The following MED16 variants were observed in gnomAD, a reference collection of about 807,000 sequenced individuals.
The protein encoded by MED16 is mediator of RNA polymerase II transcription subunit 16.
In MED16, 81 loss-of-function variants were observed where a neutral mutation model predicts 84.4. The observed-to-expected ratio is 0.96, with a 90% CI of 0.80 to 1.15. MED16 has a LOEUF of 1.15. Among genes scored for constraint, MED16 ranks in the 50% most tolerant of loss-of-function variants. The probability of loss-of-function intolerance (pLI) is 0.00; values close to 1 mark genes in which losing one functional copy is unlikely to be tolerated. For synonymous variants in MED16, 897 were observed against 552.2 expected (o/e 1.62, Z -8.76); for missense variants, 1,585 against 1,245.9 (o/e 1.27, Z -4.10).
At chr19:877,325 T>C in intron 8 of MED16, 145 bp from the exon 9 acceptor site, 2 of 733,022 alleles carry the variant, frequency 2.7e-6, no homozygotes, top group East Asian at 2.7e-5. Flanking sequence ...CGCATGTGTC[T>C]GTAGCGTCTG....
At position 886,088 on chromosome 19, in the gene MED16, C is replaced by A. The variant is rs11492; in HGVS notation, c.561G>T (p.Leu187=). 5,735 of 1,593,288 alleles carry A rather than the reference C, an allele frequency of 3.6e-3. 165 individuals carry two copies. The African/African-American group carries it at 0.067, about 19-fold the overall frequency. ...EGWIAVTVSG[L]VTVSLLKPSG... ...TGGGCTTCAGCAGGGACACGGTGAC[C>A]AGGCCGCTGACCGTCACCGCGATCC... The change falls in exon 5 of 16, where the codon CTG becomes CTT. Residue 187 remains leucine, a synonymous_variant. Coordinates refer to ENST00000325464, the MANE Select transcript of MED16 (RefSeq NM_005481.3).
At chr19:890,390 G>C (rs1344664122) in intron 2 of MED16, 146 bp from the exon 3 acceptor site, 5 of 580,806 alleles carry the variant, frequency 8.6e-6, no homozygotes, top group African/African-American at 7.5e-5. Context: ...ACAGCTCAGG[G>C]AACAGGCTGT....
Position 871,185 on chromosome 19 carries a change from G to A in MED16, c.2167C>T (p.Gln723Ter), listed in dbSNP as rs2036042769. 15 of 1,549,922 alleles carry A rather than the reference G, an allele frequency of 9.7e-6. No homozygotes were observed. The highest frequency in any genetic ancestry group is 2.4e-5 in the East Asian group (1 of 41,170). ...LVDECCLLPS[Q>*]LLIPSLDWLP... Reference sequence around the variant, plus strand: ...CAGTCCAGGCTGGGGATAAGCAGCTGGCTGGGCAGCAGGCAGCATTCATCC... The same window carrying A: ...CAGTCCAGGCTGGGGATAAGCAGCTAGCTGGGCAGCAGGCAGCATTCATCC... The change falls in exon 13 of 16, where the codon CAG becomes TAG. Residue 723 changes from glutamine (Q) to a stop codon, truncating the protein, a stop_gained. Transcript: ENST00000325464. LOFTEE classifies it high-confidence loss of function.
intron 9 of MED16, among the ~76,000 whole-genome samples, chr19:875,663 G>A (rs79512329): frequency 2.0e-4 from 30 of 152,304 alleles, no homozygotes; most frequent in African/African-American, 5.8e-4. Context: ...AGCTGGGAGC[G>A]GCTCTGCCTC....
At chr19:886,974 G>A (rs1036487537) in intron 4 of MED16, among the ~76,000 whole-genome samples, 14 of 151,938 alleles carry the variant, frequency 9.2e-5, no homozygotes, top group African/African-American at 3.4e-4. Flanking sequence ...AGCTACTCAG[G>A]AGGCTGAGGC....
rs1240499635 is a variant in MED16, at chr19:871,622, T to G, written c.2098+304A>C. 7.5e-6 allele frequency: 12 copies of G among 1,594,902 alleles called. No individual in the cohort carries two copies. The South Asian group carries it at 7.7e-5, about 10-fold the overall frequency. ...AACAGGTGCCTGGAAGTGGCTGCCA[T>G]CCCAAAAGCACCCACACAGAGCATG... is the stretch of plus-strand genomic sequence containing the variant. On this transcript the variant is annotated intron_variant, in intron 12 of 15. Coordinates refer to ENST00000325464, the MANE Select transcript of MED16 (RefSeq NM_005481.3).
chr19:884,922 G>C lies in MED16; in HGVS notation c.966C>G (p.Phe322Leu). ...RKEGLPVNNIFQQISPVVGDK... is the reference protein window; with the variant it reads ...RKEGLPVNNILQQISPVVGDK... ...ACTCACCCACGGGGGAGATCTGCTG[G>C]AAGATGTTGTTCACGGGGAGTCCCT... Residue 322 changes from phenylalanine (F) to leucine (L), a missense_variant, in exon 6 of 16, where the codon TTC becomes TTG. Transcript: ENST00000325464. 6.2e-7 allele frequency: 1 copy of C among 1,609,184 alleles called. No individual in the cohort carries two copies. Among genetic ancestry groups the C allele is most frequent in the East Asian group, 2.2e-5 (1 of 44,808 alleles).
rs1416026703 is a variant in MED16 at position 873,493 on chromosome 19, C to G, written c.1861G>C (p.Val621Leu). ...AGCAGGTACAGCACGAAGTCGCCCA[C>G]CCACTGCAAGAGCTGCTGCAGCGCC... ...LQALQQLLQW[V>L]GDFVLYLLAS... The change falls in exon 11 of 16, where the codon GTG (valine) becomes CTG (leucine). Residue 621 changes from valine (V) to leucine (L), a missense_variant. By Grantham distance (32) the Val-to-Leu change is conservative. Transcript: ENST00000325464. 1 of 1,611,636 alleles carries G rather than the reference C, an allele frequency of 6.2e-7. No individual in the cohort carries two copies. The highest frequency in any genetic ancestry group is 8.5e-7 in the Non-Finnish European group (1 of 1,179,712).
At chr19:876,822 G>C (rs1469460388) in intron 9 of MED16, 152 bp downstream of exon 9, 3 of 711,536 alleles carry the variant, frequency 4.2e-6, no homozygotes, top group Non-Finnish European at 2.2e-6. Flanking sequence ...TACTGACCAC[G>C]GGGCCCCTGC....
rs562763547 is a variant in MED16 at position 868,030 on chromosome 19, G to T, written c.*71C>A. The T allele has an allele frequency of 2.6e-6, 4 of 1,522,120 alleles. No homozygotes were observed. The highest frequency in any genetic ancestry group is 3.5e-6 in the Non-Finnish European group (4 of 1,138,522). The allele number at this position is 1,522,120 out of a possible 1,614,324, so 94.3% of individuals were successfully genotyped here. A position where few individuals can be genotyped will look rare whatever the true frequency, so the allele number is the denominator to read the frequency against. On this transcript the variant is annotated 3_prime_UTR_variant, in exon 16 of 16. Transcript: ENST00000325464. ...TGCTTGTCCAGGTTCAGCGCTCTCC[G>T]CGGGTGAGGCAAGGAAACCGAGGAG...
In MED16 at chr19:870,602, G is replaced by A. The variant is rs570278624; in HGVS notation, c.2315+435C>T. On this transcript the variant is annotated intron_variant, in intron 13 of 15. Coordinates refer to ENST00000325464, the MANE Select transcript of MED16 (RefSeq NM_005481.3). ...AAAAAAAGGGAGAGGGTGAATGGAA[G>A]GGCTGGGTGCCCGTGTTGGGGGTGG... Among the ~76,000 whole-genome samples the A allele has an allele frequency of 2.0e-3, 302 of 151,276 alleles. 1 individual carries two copies. The highest frequency in any genetic ancestry group is 3.6e-3 in the Non-Finnish European group (247 of 67,714).
At chr19:890,440 CTG>C (rs2036610488) in intron 2 of MED16, 196 bp from the exon 3 acceptor site, 1 of 480,204 alleles carries the variant, frequency 2.1e-6, no homozygotes, top group East Asian at 3.3e-5. Flanking sequence ...GGCGCCACAA[CTG>C]TGTCTTTAAA....
At position 884,432 on chromosome 19, in the gene MED16, G is replaced by A. The variant is rs116591089; in HGVS notation, c.985+471C>T. Among the ~76,000 whole-genome samples, 524 of 152,178 alleles carry A rather than the reference G, an allele frequency of 3.4e-3. 3 individuals carry two copies. Among genetic ancestry groups the A allele is most frequent in the African/African-American group, 0.012 (496 of 41,524 alleles). On this transcript the variant is annotated intron_variant, in intron 6 of 15. Coordinates refer to ENST00000325464, the MANE Select transcript of MED16 (RefSeq NM_005481.3). ...TGCTGGAGAGGTGGGGTGGGGTGGG[G>A]GGCGTGTTCTCAGCAGCCTCAGCTG...
intron 9 of MED16, among the ~76,000 whole-genome samples, 172 bp downstream of exon 9, chr19:876,802 G>A (rs2036242192): frequency 6.6e-6 from 1 of 152,102 alleles, no homozygotes; most frequent in African/African-American, 2.4e-5. Context: ...CCTCCCTGCT[G>A]CTGGCACTTT....
chr19:873,403 G>T, intron 11 of MED16, 46 bp downstream of exon 11: 2 of 1,582,898 alleles, frequency 1.3e-6, no homozygotes, highest in African/African-American at 1.4e-5. Flanking sequence ...CTGATGAGAT[G>T]GGGGCCCAGG....
rs1450424096 is a variant in MED16, at chr19:872,252, G to A, written c.1906-134C>T. On this transcript the variant is annotated intron_variant, in intron 11 of 15. Coordinates refer to ENST00000325464, the MANE Select transcript of MED16 (RefSeq NM_005481.3). ...TGGGACATTTGTGGTGGTCAGGACT[G>A]GGGTGCTTCTGGCACCGAGTGGGTG... 1.1e-5 allele frequency: 8 copies of A among 724,626 alleles called. No homozygotes were observed. The Admixed American group carries it at 1.7e-4, about 16-fold the overall frequency. The allele number at this position is 724,626 out of a possible 1,614,324, so 44.9% of individuals were successfully genotyped here. A position where few individuals can be genotyped will look rare whatever the true frequency, so the allele number is the denominator to read the frequency against.
chr19:884,991 G>A lies in MED16; in HGVS notation c.897C>T (p.Ser299=), dbSNP rs780486311. Residue 299 remains serine, a synonymous_variant, in exon 6 of 16, where the codon TCC becomes TCT. Transcript: ENST00000325464. ...ACTCCACGATGCTGCTGGTCTGGCT[G>A]GACGCGCACAAAAGCACCTGCGGGG... is the stretch of plus-strand genomic sequence containing the variant. ...DMSEQVLLCA[S]SQTSSIVECW... is the part of the protein sequence containing the mutation. The A allele has an allele frequency of 1.1e-5, 18 of 1,603,900 alleles. No individual in the cohort carries two copies. The East Asian group carries it at 2.7e-4, about 24-fold the overall frequency.
At chr19:878,928 G>A (rs369311520) in intron 8 of MED16, among the ~76,000 whole-genome samples, 3 of 21,230 alleles carry the variant, frequency 1.4e-4, no homozygotes, top group African/African-American at 2.8e-4. Context: ...CCCCGGCCCC[G>A]GCCCCGGCCC....
At position 885,620 on chromosome 19, in the gene MED16, GTTCTCCC is replaced by G. The variant is rs1451568628; in HGVS notation, c.879+143_879+149del. 9.6e-5 allele frequency: 90 copies of G among 933,166 alleles called. No individual in the cohort carries two copies. In the East Asian group the frequency reaches 2.4e-3, roughly 25 times the overall value. 57.8% of individuals were successfully genotyped at this position (933,166 alleles called of 1,614,324 possible). On this transcript the variant is annotated intron_variant, in intron 5 of 15. Coordinates refer to ENST00000325464, the MANE Select transcript of MED16 (RefSeq NM_005481.3). ...AGATGCTGGGAAAGGCAGAAAATGG[GTTCTCCC>G]CTGGAGCCCCCGGGAGGGACCGGCC...
Sources: allele counts gnomAD v4.1 joint callset (sites outside exome capture counted in the v4.1 genomes callset), GRCh38; gene constraint gnomAD v4.1.1; transcripts MANE v1.5; gene names NCBI Gene and HGNC (gene_info 2026-07-23, HGNC 2026-07-21).